Variants in ZNF180 observed in about 807,000 individuals in gnomAD.
ZNF180 encodes the protein zinc finger protein 180 (HHZ168).
Under a neutral mutation model 11.8 loss-of-function variants are expected in ZNF180, and 11 were observed. The observed-to-expected ratio is 0.93, with a 90% CI of 0.59 to 1.55. The LOEUF is 1.55. Ranked by LOEUF, ZNF180 falls within the 40% of genes most tolerant of loss-of-function variation. The pLI is 0.00. For synonymous variants in ZNF180, 287 were observed against 257.7 expected (o/e 1.11, Z -1.09); for missense variants, 773 against 781.7 (o/e 0.99, Z 0.13).
rs755472079 is a variant in ZNF180, at chr19:44,477,896, A to T, written c.504T>A (p.Thr168=). 1.9e-6 allele frequency: 3 copies of T among 1,613,842 alleles called. No homozygotes were observed. The highest frequency in any genetic ancestry group is 3.3e-5 in the Admixed American group (2 of 60,000). The change falls in exon 5 of 5, where the codon ACT becomes ACA. Residue 168 remains threonine (T), a synonymous_variant. Coordinates refer to ENST00000592529, the MANE Select transcript of ZNF180 (RefSeq NM_001278509.3). ...IHERVCKSDE[T]GEKSGLNSSL... ...TGGAATTCAGACCACTCTTCTCCCC[A>T]GTTTCATCACTTTTGCAGACTCTCT...
chr19:44,485,967 C>T (rs1970218077), intron 2 of ZNF180, among the ~76,000 whole-genome samples: 1 of 152,036 alleles, frequency 6.6e-6, no homozygotes, highest in East Asian at 1.9e-4. Context: ...TAGGAAATAA[C>T]ATAAAGTACA....
chr19:44,491,866 C>T (rs1428466030), intron 2 of ZNF180, among the ~76,000 whole-genome samples: 1 of 152,230 alleles, frequency 6.6e-6, no homozygotes, highest in African/African-American at 2.4e-5. Context: ...GTGTGAGCCA[C>T]TTTACCTGGC....
intron 3 of ZNF180, among the ~76,000 whole-genome samples, chr19:44,482,251 T>C (rs868841662): frequency 1.3e-3 from 194 of 152,298 alleles, no homozygotes; most frequent in African/African-American, 4.5e-3. Flanking sequence ...AAGGCTGCAG[T>C]GAGCCATGAT....
intron 2 of ZNF180, among the ~76,000 whole-genome samples, chr19:44,489,867 G>T (rs1970383613): frequency 7.8e-6 from 1 of 128,024 alleles, no homozygotes; most frequent in Non-Finnish European, 1.6e-5. Context: ...GAACAAGAAA[G>T]AAAGAGAGAG....
Position 44,495,686 on chromosome 19 carries a change from T to A in ZNF180, c.51+1598A>T, listed in dbSNP as rs2123503663. Among the ~76,000 whole-genome samples, 1 of 152,220 alleles carries A rather than the reference T, an allele frequency of 6.6e-6. No homozygotes were observed. Among genetic ancestry groups the A allele is most frequent in the African/African-American group, 2.4e-5 (1 of 41,536 alleles). On this transcript the variant is annotated intron_variant, in intron 2 of 4. Coordinates refer to ENST00000592529, the MANE Select transcript of ZNF180 (RefSeq NM_001278509.3). The surrounding 1 kb of genome is among the most constrained non-coding windows in gnomAD (Gnocchi z 4.5). ...CCCATCACCCCACACCAGATCTCCA[T>A]ATATGGACACTGGCCTCAGCCACTT...
Position 44,478,017 on chromosome 19 carries a change from A to G in ZNF180, c.383T>C (p.Val128Ala), listed in dbSNP as rs1200817711. The G allele has an allele frequency of 1.9e-6, 3 of 1,614,014 alleles. No homozygotes were observed. Among genetic ancestry groups the G allele is most frequent in the Non-Finnish European group, 2.5e-6 (3 of 1,179,972 alleles). ...CTCCAACTGGTCTTTACAATCATCC[A>G]CTTCTTCACATGAAGATAACCAAGG... ...DDPWLSSCEE[V>A]DDCKDQLEKQ... Residue 128 changes from valine (V) to alanine (A), a missense_variant, in exon 5 of 5, where the codon GTG (valine) becomes GCG (alanine). Transcript: ENST00000592529.
At chr19:44,480,235 A>G (rs73038407) in intron 3 of ZNF180, among the ~76,000 whole-genome samples, 3,309 of 152,216 alleles carry the variant, frequency 0.022, 54 homozygotes, top group African/African-American at 0.046. Flanking sequence ...TCTCCCAAGT[A>G]GCTGGGACTA....
intron 2 of ZNF180, among the ~76,000 whole-genome samples, chr19:44,488,367 T>G (rs1421393985): frequency 6.6e-6 from 1 of 152,122 alleles, no homozygotes; most frequent in Non-Finnish European, 1.5e-5. Flanking sequence ...CCTCCCTGCC[T>G]GATTCTCCTG....
Position 44,484,508 on chromosome 19 carries a change from C to A in ZNF180, c.52-73G>T. 3 of 1,046,978 alleles carry A rather than the reference C, an allele frequency of 2.9e-6. No homozygotes were observed. The South Asian group carries it at 3.9e-5, about 14-fold the overall frequency. The allele number at this position is 1,046,978 out of a possible 1,614,324, so 64.9% of individuals were successfully genotyped here. A position where few individuals can be genotyped will look rare whatever the true frequency, so the allele number is the denominator to read the frequency against. The stretch of plus-strand genomic sequence containing the variant: ...AGTGGCAGCTCAAATCTCCTCCGGT[C>A]AGTGGGCTAAGATTTGACATACCAC... On this transcript the variant is annotated intron_variant, in intron 2 of 4. Transcript: ENST00000592529.
intron 1 of ZNF180, among the ~76,000 whole-genome samples, chr19:44,498,502 AC>A (rs1365095139): frequency 1.1e-4 from 16 of 152,014 alleles, no homozygotes; most frequent in Non-Finnish European, 1.8e-4. Context: ...TTCTGACCAA[AC>A]ATCTTTCGGG....
At chr19:44,487,749 A>G (rs1040994685) in intron 2 of ZNF180, among the ~76,000 whole-genome samples, 1 of 152,152 alleles carries the variant, frequency 6.6e-6, no homozygotes, top group Non-Finnish European at 1.5e-5. Context: ...TGGTTTTGAG[A>G]CAGAGTCTCG....
chr19:44,488,436 C>T (rs976848613), intron 2 of ZNF180, among the ~76,000 whole-genome samples: 56 of 151,976 alleles, frequency 3.7e-4, no homozygotes, highest in African/African-American at 2.9e-4. Flanking sequence ...GACTGGTTTT[C>T]GTATTTTTTT....
rs769158679 is a variant in ZNF180, at chr19:44,484,397, C to T, written c.90G>A (p.Glu30=). The T allele has an allele frequency of 5.6e-6, 9 of 1,614,120 alleles. No homozygotes were observed. The East Asian group carries it at 1.1e-4, about 20-fold the overall frequency. Residue 30 remains glutamate (E), a synonymous_variant, in exon 3 of 5, where the codon GAG becomes GAA. Coordinates refer to ENST00000592529, the MANE Select transcript of ZNF180 (RefSeq NM_001278509.3). ...TGGTCAGAGACCCAGTGTCTTCTCC[C>T]TCGACTTTGATGATAATCTCTTGAG... ...FLPQEIIIKV[E]GEDTGSLTIP...
intron 2 of ZNF180, among the ~76,000 whole-genome samples, chr19:44,487,599 T>A (rs958446344): frequency 6.6e-6 from 1 of 152,244 alleles, no homozygotes; most frequent in Non-Finnish European, 1.5e-5. Flanking sequence ...GGAAAACTCA[T>A]GAATAATCCA....
At chr19:44,486,039 G>A (rs1970219981) in intron 2 of ZNF180, among the ~76,000 whole-genome samples, 1 of 152,178 alleles carries the variant, frequency 6.6e-6, no homozygotes, top group African/African-American at 2.4e-5. Context: ...GATGGGAAGG[G>A]AGACTAAATG....
At position 44,474,485 on chromosome 19, in the gene ZNF180, T is replaced by C. The variant is rs1037662585; in HGVS notation, c.*1917A>G. 2 of 152,190 alleles carry C rather than the reference T, an allele frequency of 1.3e-5. No homozygotes were observed. Among genetic ancestry groups the C allele is most frequent in the Admixed American group, 1.3e-4 (2 of 15,288 alleles). 9.4% of individuals were successfully genotyped at this position (152,190 alleles called of 1,614,324 possible). A position where few individuals can be genotyped will look rare whatever the true frequency, so the allele number is the denominator to read the frequency against. On this transcript the variant is annotated 3_prime_UTR_variant, in exon 5 of 5. Coordinates refer to ENST00000592529, the MANE Select transcript of ZNF180 (RefSeq NM_001278509.3). ...ATTTTCTAGGTCTCATCATAGCTCA[T>C]ATATAACACTCAAAACATCATTAAA...
chr19:44,487,184 A>G (rs1970251894), intron 2 of ZNF180, among the ~76,000 whole-genome samples: 1 of 152,194 alleles, frequency 6.6e-6, no homozygotes, highest in African/African-American at 2.4e-5. Flanking sequence ...TTTTCTCCTT[A>G]TCTATCTAGA....
rs753745839 is a variant in ZNF180 at position 44,484,401 on chromosome 19, A to G, written c.86T>C (p.Val29Ala). ...CAGAGACCCAGTGTCTTCTCCCTCG[A>G]CTTTGATGATAATCTCTTGAGGAAG... ...SFLPQEIIIKVEGEDTGSLTI... is the reference protein window; with the variant it reads ...SFLPQEIIIKAEGEDTGSLTI... The change falls in exon 3 of 5, where the codon GTC (valine) becomes GCC (alanine). Residue 29 changes from valine to alanine, a missense_variant. Val to Ala is a moderately conservative substitution (Grantham distance 64). Coordinates refer to ENST00000592529, the MANE Select transcript of ZNF180 (RefSeq NM_001278509.3). The G allele has an allele frequency of 4.5e-5, 72 of 1,614,002 alleles. No individual in the cohort carries two copies. Among genetic ancestry groups the G allele is most frequent in the Non-Finnish European group, 5.7e-5 (67 of 1,179,994 alleles).
chr19:44,479,490 GA>G, intron 3 of ZNF180, 81 bp from the exon 4 acceptor site: 1 of 1,564,590 alleles, frequency 6.4e-7, no homozygotes, highest in East Asian at 2.3e-5. Flanking sequence ...CTGACAGATG[GA>G]AAAAGGAAAA....
Sources: gnomAD v4.1 joint callset for allele counts (sites outside exome capture counted in the v4.1 genomes callset) on GRCh38, gnomAD v4.1.1 for gene constraint, Gnocchi (gnomAD v3.1) non-coding constraint, MANE v1.5 for transcripts, NCBI Gene and HGNC (gene_info 2026-07-23, HGNC 2026-07-21) for gene names.